ACSL1: variants seen among roughly 807,000 people sequenced by gnomAD.
The protein encoded by ACSL1 is acyl-CoA synthetase long chain family member 1, also known as long-chain-fatty-acid--CoA ligase 1.
In ACSL1, 41 loss-of-function variants were observed where a neutral mutation model predicts 98.4. The observed-to-expected ratio is 0.42, with a 90% CI of 0.32 to 0.54. The LOEUF (loss-of-function observed/expected upper bound fraction) is 0.54, where lower values mean the gene tolerates loss of function less well. Ranked by LOEUF, ACSL1 falls within the 20% of genes least tolerant of loss-of-function variation. ACSL1 has a pLI of 0.13. For missense variants in ACSL1, 734 were observed against 883.1 expected (o/e 0.83, Z 2.14); for synonymous variants, 316 against 322.7 (o/e 0.98, Z 0.22).
chr4:184,764,798 C>T, intron 15 of ACSL1, 55 bp downstream of exon 15: 1 of 1,499,506 alleles, frequency 6.7e-7, no homozygotes, highest in Non-Finnish European at 9.1e-7. Context: ...TCCAGACATA[C>T]CAATAACCCA....
chr4:184,814,939 G>C, intron 1 of ACSL1: 2 of 447,600 alleles, frequency 4.5e-6, no homozygotes, highest in South Asian at 3.1e-5. Flanking sequence ...ACATTCCAGG[G>C]GGATAACCAA....
At chr4:184,805,217 CA>C (rs773115667) in intron 1 of ACSL1, among the ~76,000 whole-genome samples, 28 of 152,228 alleles carry the variant, frequency 1.8e-4, no homozygotes, top group Non-Finnish European at 3.1e-4. Context: ...TTTTGATTTG[CA>C]TCTCTTTTTC....
intron 14 of ACSL1, 139 bp downstream of exon 14, chr4:184,765,752 T>C: frequency 1.5e-6 from 1 of 664,350 alleles, no homozygotes. Flanking sequence ...AAACATCATG[T>C]TGTTACGCCA....
At chr4:184,798,699 C>G (rs527472064) in intron 2 of ACSL1, 1 of 152,456 alleles carries the variant, frequency 6.6e-6, no homozygotes, top group African/African-American at 2.4e-5. Flanking sequence ...CTTGAGGATG[C>G]CTCCAATCCA....
rs770647002 is a variant in ACSL1 at position 184,766,168 on chromosome 4, G to A, written c.1264-182C>T. Among the ~76,000 whole-genome samples the A allele has an allele frequency of 1.3e-5, 2 of 152,196 alleles. No homozygotes were observed. Among genetic ancestry groups the A allele is most frequent in the African/African-American group, 2.4e-5 (1 of 41,462 alleles). Reference sequence around the variant, plus strand: ...ACAGGGCTACGGTTTGTTTCCACCCGTGACTGCCCTGTTCCCTCCCAATGG... The same window carrying A: ...ACAGGGCTACGGTTTGTTTCCACCCATGACTGCCCTGTTCCCTCCCAATGG... On this transcript the variant is annotated intron_variant, in intron 13 of 20. Transcript: ENST00000281455. The surrounding 1 kb of genome is among the most constrained non-coding windows in gnomAD (Gnocchi z 4.8).
At chr4:184,801,310 T>C (rs1219281606) in intron 2 of ACSL1, among the ~76,000 whole-genome samples, 1 of 152,216 alleles carries the variant, frequency 6.6e-6, no homozygotes, top group Non-Finnish European at 1.5e-5. Context: ...CATTTTAGTA[T>C]CCGTGTAAAC....
intron 11 of ACSL1, among the ~76,000 whole-genome samples, chr4:184,768,997 A>G (rs1282948236): frequency 3.3e-5 from 5 of 151,776 alleles, no homozygotes; most frequent in African/African-American, 1.2e-4. Context: ...TGAACCCAGG[A>G]GGCGGAGATT....
chr4:184,784,708 C>T (rs1179491620), intron 3 of ACSL1, among the ~76,000 whole-genome samples: 1 of 152,126 alleles, frequency 6.6e-6, no homozygotes, highest in Non-Finnish European at 1.5e-5. Context: ...ACATGAGGAC[C>T]TAAGGAAGTA....
intron 18 of ACSL1, among the ~76,000 whole-genome samples, chr4:184,759,055 ATGTCCCTGCAAAG>A (rs1361742253): frequency 6.6e-6 from 1 of 151,970 alleles, no homozygotes; most frequent in East Asian, 1.9e-4. Context: ...AGCTTCATCC[ATGTCCCTGCAAAG>A]GACATGAACT....
chr4:184,765,867 C>A, intron 14 of ACSL1, 24 bp downstream of exon 14: 1 of 1,604,804 alleles, frequency 6.2e-7, no homozygotes. Flanking sequence ...GTGGGAGAAT[C>A]AGGCGCCGTG....
Position 184,755,987 on chromosome 4 carries a change from T to G in ACSL1, c.*1138A>C, listed in dbSNP as rs189881306. On this transcript the variant is annotated 3_prime_UTR_variant, in exon 21 of 21. Transcript: ENST00000281455. ...GAAGTGAATCCCAGGAAATGAACTTTCCAGATTTCTACATCCTAGAATTTT... is the reference window on the plus strand; with the variant it reads ...GAAGTGAATCCCAGGAAATGAACTTGCCAGATTTCTACATCCTAGAATTTT... 6.6e-6 allele frequency: 1 copy of G among 152,502 alleles called. No individual in the cohort carries two copies. The highest frequency in any genetic ancestry group is 1.9e-4 in the East Asian group (1 of 5,190). 9.4% of individuals were successfully genotyped at this position (152,502 alleles called of 1,614,324 possible).
chr4:184,825,472 C>T lies in ACSL1; in HGVS notation c.-33+444G>A, dbSNP rs1431971118. On this transcript the variant is annotated intron_variant, in intron 1 of 20. Transcript: ENST00000281455. This position sits in a 1 kb window ranked among gnomAD's most constrained non-coding sequence, Gnocchi z 4.7. ...GTGCAGTCTCGCCCCACGCGCGGTCCGAACGCCCGCGAGCCCGGCCTCTGG... is the reference window on the plus strand; with the variant it reads ...GTGCAGTCTCGCCCCACGCGCGGTCTGAACGCCCGCGAGCCCGGCCTCTGG... Among the ~76,000 whole-genome samples, 1 of 152,068 alleles carries T rather than the reference C, an allele frequency of 6.6e-6. No homozygotes were observed. The highest frequency in any genetic ancestry group is 6.5e-5 in the Admixed American group (1 of 15,280).
intron 12 of ACSL1, 34 bp downstream of exon 12, chr4:184,768,282 G>C (rs760301927): frequency 6.3e-7 from 1 of 1,594,780 alleles, no homozygotes; most frequent in South Asian, 1.1e-5. Context: ...CCAAGTCAGT[G>C]CTCAGTCCTG....
At chr4:184,762,974 G>C (rs561917187) in intron 16 of ACSL1, among the ~76,000 whole-genome samples, 193 bp downstream of exon 16, 1 of 152,168 alleles carries the variant, frequency 6.6e-6, no homozygotes, top group Admixed American at 6.5e-5. Flanking sequence ...ACAGGCATCA[G>C]TGTCCCTCCT....
chr4:184,781,216 C>T (rs1389768493), intron 4 of ACSL1, among the ~76,000 whole-genome samples: 1 of 110,704 alleles, frequency 9.0e-6, no homozygotes, highest in African/African-American at 3.7e-5. Context: ...GGGTGACAGG[C>T]GAGACTCCAT....
intron 4 of ACSL1, among the ~76,000 whole-genome samples, chr4:184,781,144 T>C (rs1023627419): frequency 2.8e-5 from 4 of 144,438 alleles, no homozygotes; most frequent in East Asian, 2.0e-4. Context: ...TGAGGCAGAA[T>C]TGCTTGAACC....
chr4:184,758,782 TACTTTAAGTTTTAGGGTACATGTGC>T (rs1762464545), intron 18 of ACSL1: 1 of 152,216 alleles, frequency 6.6e-6, no homozygotes, highest in Non-Finnish European at 1.5e-5. Flanking sequence ...TTTTAAATTA[TACTTTAAGTTTTAGGGTACATGTGC>T]ACAACGTGCA....
In ACSL1 at chr4:184,763,243, G is replaced by A; in HGVS notation, c.1445C>T (p.Ala482Val). ...TTTTATCAAATTGCACGGCATCGGG[G>A]CCCCAACATGGCCTGTATATTAAAT... ...PGDWTAGHVG[A>V]PMPCNLIKLV... The change falls in exon 16 of 21, where the codon GCC becomes GTC. Residue 482 changes from alanine to valine, a missense_variant. Transcript: ENST00000281455. The A allele has an allele frequency of 6.2e-7, 1 of 1,613,860 alleles. No individual in the cohort carries two copies. Among genetic ancestry groups the A allele is most frequent in the Non-Finnish European group, 8.5e-7 (1 of 1,179,944 alleles).
At chr4:184,824,649 G>C (rs938364960) in intron 1 of ACSL1, among the ~76,000 whole-genome samples, 2 of 152,138 alleles carry the variant, frequency 1.3e-5, no homozygotes, top group Admixed American at 6.5e-5. Context: ...GTCAGAACAA[G>C]AAAGTAAGTC....
Sources: allele counts gnomAD v4.1 joint callset (sites outside exome capture counted in the v4.1 genomes callset), GRCh38; gene constraint gnomAD v4.1.1; non-coding constraint Gnocchi (gnomAD v3.1); transcripts MANE v1.5; gene names NCBI Gene and HGNC (gene_info 2026-07-23, HGNC 2026-07-21).